TRAPPC13: variants seen among roughly 807,000 people sequenced by gnomAD.
TRAPPC13 encodes the protein trafficking protein particle complex subunit 13.
A neutral mutation model predicts 54.0 loss-of-function variants in TRAPPC13; 39 were observed. The observed-to-expected ratio is 0.72, with a 90% CI of 0.56 to 0.94. The LOEUF is 0.94. Among genes scored for constraint, TRAPPC13 ranks in the 40% least tolerant of loss-of-function variants. The pLI, the probability that TRAPPC13 is intolerant of heterozygous loss-of-function variation, is 0.00. For synonymous variants in TRAPPC13, 148 were observed against 167.7 expected (o/e 0.88, Z 0.91); for missense variants, 386 against 488.1 (o/e 0.79, Z 1.97).
chr5:65,644,639 T>C (rs1457036970), intron 4 of TRAPPC13, among the ~76,000 whole-genome samples: 2 of 152,198 alleles, frequency 1.3e-5, no homozygotes, highest in African/African-American at 2.4e-5. Flanking sequence ...CCCAGCACTT[T>C]GGGAGCCCGA....
At chr5:65,651,895 C>T (rs899894922) in intron 6 of TRAPPC13, among the ~76,000 whole-genome samples, 71 of 98,824 alleles carry the variant, frequency 7.2e-4, no homozygotes, top group Non-Finnish European at 1.2e-3. Flanking sequence ...TGGCGTTTCA[C>T]TCTTGTCGCC....
chr5:65,635,847 G>GTTGTT, intron 2 of TRAPPC13, 97 bp from the exon 3 acceptor site: 2 of 685,124 alleles, frequency 2.9e-6, no homozygotes, highest in Non-Finnish European at 4.6e-6. Context: ...TTGTCAAGAG[G>GTTGTT]TTGTTTTTTA....
Position 65,664,320 on chromosome 5 carries a change from A to C in TRAPPC13, c.1082A>C (p.Lys361Thr). ...GGAATTTCAGGAAGACAGCTGGGAAAGCTGCATCCAAGTTCTTCGCTCTGT... is the reference window on the plus strand; with the variant it reads ...GGAATTTCAGGAAGACAGCTGGGAACGCTGCATCCAAGTTCTTCGCTCTGT... ...WCGISGRQLGKLHPSSSLCLA... is the reference protein window; with the variant it reads ...WCGISGRQLGTLHPSSSLCLA... Residue 361 changes from lysine to threonine, a missense_variant, in exon 12 of 13, where the codon AAG becomes ACG. Lys to Thr is a moderately conservative substitution (Grantham distance 78). Transcript: ENST00000399438. The C allele has an allele frequency of 6.2e-7, 1 of 1,614,000 alleles. No homozygotes were observed. Among genetic ancestry groups the C allele is most frequent in the Non-Finnish European group, 8.5e-7 (1 of 1,179,876 alleles).
rs1415329122 is a variant in TRAPPC13, at chr5:65,637,641, A to AG, written c.216-55_216-54insG. The stretch of plus-strand genomic sequence containing the variant: ...GCGAGACTCTGTCTCAAAAAAAAAA[A>AG]AAAAGAAAAAAAACCTGAATGGATT... On this transcript the variant is annotated intron_variant, in intron 3 of 12. Coordinates refer to ENST00000399438, the MANE Select transcript of TRAPPC13 (RefSeq NM_024941.4). 1.1e-5 allele frequency: 13 copies of AG among 1,145,388 alleles called. No individual in the cohort carries two copies. The East Asian group carries it at 2.9e-4, about 25-fold the overall frequency. 71.0% of individuals were successfully genotyped at this position (1,145,388 alleles called of 1,614,324 possible). A position where few individuals can be genotyped will look rare whatever the true frequency, so the allele number is the denominator to read the frequency against.
intron 9 of TRAPPC13, among the ~76,000 whole-genome samples, chr5:65,659,702 G>A (rs1051945852): frequency 6.6e-6 from 1 of 152,154 alleles, no homozygotes; most frequent in African/African-American, 2.4e-5. Flanking sequence ...GAAAGTAATA[G>A]GCTGGGTGTG....
intron 4 of TRAPPC13, among the ~76,000 whole-genome samples, chr5:65,641,582 A>G (rs966433943): frequency 2.0e-5 from 3 of 152,040 alleles, no homozygotes; most frequent in African/African-American, 7.2e-5. Flanking sequence ...ATGGTGGCGC[A>G]TACTTGTAGT....
intron 5 of TRAPPC13, among the ~76,000 whole-genome samples, chr5:65,649,681 C>G (rs369219334): frequency 1.3e-5 from 2 of 152,076 alleles, no homozygotes; most frequent in Non-Finnish European, 2.9e-5. Flanking sequence ...TGCTTATTAA[C>G]TTATGGGAAC....
intron 10 of TRAPPC13, 26 bp downstream of exon 10, chr5:65,660,923 G>A (rs201540797): frequency 3.2e-6 from 5 of 1,574,806 alleles, no homozygotes; most frequent in Non-Finnish European, 4.3e-6. Context: ...ACTTCGCTGG[G>A]GTTTTGGTGT....
At chr5:65,663,516 A>G (rs1353601225) in intron 11 of TRAPPC13, 1 of 152,208 alleles carries the variant, frequency 6.6e-6, no homozygotes, top group East Asian at 1.9e-4. Context: ...AAAAAAAATA[A>G]AATTTAAATA....
intron 1 of TRAPPC13, among the ~76,000 whole-genome samples, chr5:65,628,070 A>G (rs537488075): frequency 1.3e-5 from 2 of 152,270 alleles, no homozygotes; most frequent in Non-Finnish European, 2.9e-5. Flanking sequence ...AGTCTGTTTT[A>G]TGGCTCTTAC....
chr5:65,643,124 A>C (rs1581218300), intron 4 of TRAPPC13, among the ~76,000 whole-genome samples: 1 of 151,732 alleles, frequency 6.6e-6, no homozygotes, highest in Middle Eastern at 3.4e-3. Flanking sequence ...CTTCTACCCA[A>C]GGGTTGTTTA....
intron 1 of TRAPPC13, chr5:65,629,489 G>A: frequency 7.0e-7 from 1 of 1,431,318 alleles, no homozygotes; most frequent in Non-Finnish European, 9.1e-7. Flanking sequence ...CTCTGATTTG[G>A]CAAGAGAGAC....
At chr5:65,652,344 T>C (rs72764462) in intron 6 of TRAPPC13, among the ~76,000 whole-genome samples, 157 bp from the exon 7 acceptor site, 5 of 104,944 alleles carry the variant, frequency 4.8e-5, no homozygotes, top group Admixed American at 2.9e-4. Context: ...CTTTTCTTTT[T>C]TTTTTTTTTT....
intron 8 of TRAPPC13, among the ~76,000 whole-genome samples, chr5:65,656,777 T>G (rs778933228): frequency 3.8e-4 from 58 of 151,894 alleles, no homozygotes; most frequent in Middle Eastern, 3.4e-3. Flanking sequence ...ATGGTGGCAC[T>G]TGCCCGTAAT....
At chr5:65,658,571 C>T in intron 9 of TRAPPC13, 70 bp downstream of exon 9, 1 of 1,307,406 alleles carries the variant, frequency 7.6e-7, no homozygotes. Context: ...ATCCATTGCT[C>T]TTCAGTGGGT....
chr5:65,651,856 T>G lies in TRAPPC13; in HGVS notation c.502-645T>G, dbSNP rs1475362495. 2.2e-4 allele frequency among the ~76,000 whole-genome samples: 24 copies of G among 107,306 alleles called. 1 individual carries two copies. The highest frequency in any genetic ancestry group is 9.8e-4 in the African/African-American group (23 of 23,382). 70.4% of individuals were successfully genotyped at this position (107,306 alleles called of 152,430 possible). ...AACGTGATTCAGTTTTTTTTTTTTT[T>G]TTTTTTTTTTTTTTTTTTTTTTTTG... On this transcript the variant is annotated intron_variant, in intron 6 of 12. Coordinates refer to ENST00000399438, the MANE Select transcript of TRAPPC13 (RefSeq NM_024941.4).
At chr5:65,650,949 C>CAT in intron 6 of TRAPPC13, 67 bp downstream of exon 6, 2 of 1,150,926 alleles carry the variant, frequency 1.7e-6, no homozygotes. Context: ...TACAGTTATT[C>CAT]CCGTTTATCT....
intron 6 of TRAPPC13, 27 bp from the exon 7 acceptor site, chr5:65,652,474 C>T: frequency 6.5e-7 from 1 of 1,531,718 alleles, no homozygotes. Flanking sequence ...ATAACAATCT[C>T]CTGATTGATA....
intron 4 of TRAPPC13, among the ~76,000 whole-genome samples, chr5:65,641,219 C>G (rs1392403857): frequency 6.6e-6 from 1 of 152,114 alleles, no homozygotes; most frequent in Non-Finnish European, 1.5e-5. Flanking sequence ...CACATGTGAG[C>G]CACCATATCT....
Sources: gnomAD v4.1 joint callset for allele counts (sites outside exome capture counted in the v4.1 genomes callset) on GRCh38, gnomAD v4.1.1 for gene constraint, MANE v1.5 for transcripts, NCBI Gene and HGNC (gene_info 2026-07-23, HGNC 2026-07-21) for gene names.